FBLN5: variants seen among roughly 807,000 people sequenced by gnomAD.
FBLN5 encodes fibulin 5.
Under a neutral mutation model 61.6 loss-of-function variants are expected in FBLN5, and 24 were observed. The ratio of observed to expected loss-of-function variants is 0.39; its 90% CI spans 0.28 to 0.55. The LOEUF (loss-of-function observed/expected upper bound fraction) is 0.55, where lower values mean the gene tolerates loss of function less well. FBLN5 is among the 20% of genes least tolerant of loss of function. FBLN5 has a pLI of 0.65. For synonymous variants in FBLN5, 213 were observed against 219.8 expected (o/e 0.97, Z 0.27); for missense variants, 470 against 594.1 (o/e 0.79, Z 2.17).
chr14:91,890,893 C>T (rs17805119), intron 6 of FBLN5, among the ~76,000 whole-genome samples: 1 of 152,078 alleles, frequency 6.6e-6, no homozygotes, highest in African/African-American at 2.4e-5. Flanking sequence ...ACAGGACATG[C>T]AACCAAATTT....
intron 10 of FBLN5, among the ~76,000 whole-genome samples, chr14:91,870,653 C>G (rs955398604): frequency 3.3e-5 from 5 of 152,230 alleles, no homozygotes; most frequent in Non-Finnish European, 2.9e-5. Flanking sequence ...GACGCTGCAG[C>G]CTTTACTTTG....
At chr14:91,910,265 G>A (rs1890863087) in intron 4 of FBLN5, among the ~76,000 whole-genome samples, 1 of 152,120 alleles carries the variant, frequency 6.6e-6, no homozygotes, top group South Asian at 2.1e-4. Context: ...AGTGAAACAC[G>A]CCACTCACAA....
At chr14:91,881,155 G>C in intron 9 of FBLN5, 137 bp downstream of exon 9, 1 of 739,242 alleles carries the variant, frequency 1.4e-6, no homozygotes, top group Admixed American at 2.1e-5. Context: ...ACACACACAC[G>C]CATGAGCACA....
At chr14:91,908,595 C>G (rs540075438) in intron 4 of FBLN5, among the ~76,000 whole-genome samples, 3 of 152,252 alleles carry the variant, frequency 2.0e-5, no homozygotes, top group African/African-American at 7.2e-5. Flanking sequence ...ATTTGCTGAA[C>G]TAAAAAAATG....
intron 6 of FBLN5, among the ~76,000 whole-genome samples, chr14:91,889,938 C>T (rs540233400): frequency 1.2e-4 from 19 of 152,268 alleles, no homozygotes; most frequent in East Asian, 3.9e-4. Context: ...ACTGGGGGCA[C>T]GGTGCCAGCC....
At chr14:91,879,316 G>A (rs543663022) in intron 9 of FBLN5, among the ~76,000 whole-genome samples, 3 of 152,288 alleles carry the variant, frequency 2.0e-5, no homozygotes, top group Admixed American at 1.3e-4. Context: ...CCATATGGCC[G>A]GAAGTATGTG....
intron 1 of FBLN5, chr14:91,946,793 C>T (rs2056191887): frequency 2.0e-6 from 3 of 1,535,724 alleles, no homozygotes; most frequent in East Asian, 2.4e-5. Context: ...CAAATCCAGC[C>T]CCGCGGTGTT....
chr14:91,920,598 G>A (rs2055716509), intron 4 of FBLN5, among the ~76,000 whole-genome samples: 1 of 152,182 alleles, frequency 6.6e-6, no homozygotes, highest in African/African-American at 2.4e-5. Context: ...CTATCCTCCA[G>A]ATTTCTCAAC....
At chr14:91,893,518 G>T (rs532707814) in intron 5 of FBLN5, among the ~76,000 whole-genome samples, 1 of 152,156 alleles carries the variant, frequency 6.6e-6, no homozygotes. Context: ...CCATGATTTC[G>T]TTTGGATCTG....
rs1889519156 is a variant in FBLN5, at chr14:91,882,393, C to T, written c.862+561G>A. On this transcript the variant is annotated intron_variant, in intron 8 of 10. Coordinates refer to ENST00000342058, the MANE Select transcript of FBLN5 (RefSeq NM_006329.4). This position sits in a 1 kb window ranked among gnomAD's most constrained non-coding sequence, Gnocchi z 4.9. ...GTCAGTTGCTTCTGCAATGACCCCT[C>T]AGTGGGTGGAGCATGGGGCTGGAAC... Among the ~76,000 whole-genome samples the T allele has an allele frequency of 6.6e-6, 1 of 152,168 alleles. No individual in the cohort carries two copies. The highest frequency in any genetic ancestry group is 1.5e-5 in the Non-Finnish European group (1 of 68,036).
At chr14:91,879,355 G>A (rs1330559834) in intron 9 of FBLN5, among the ~76,000 whole-genome samples, 1 of 152,228 alleles carries the variant, frequency 6.6e-6, no homozygotes, top group Non-Finnish European at 1.5e-5. Context: ...GGCCATTCCT[G>A]GGCACGGGTA....
At chr14:91,914,284 T>C (rs1891085510) in intron 4 of FBLN5, among the ~76,000 whole-genome samples, 1 of 152,080 alleles carries the variant, frequency 6.6e-6, no homozygotes, top group South Asian at 2.1e-4. Context: ...GAGACCATCC[T>C]GGCTAACACA....
At chr14:91,940,030 C>T (rs1027614910) in intron 3 of FBLN5, 2 of 448,468 alleles carry the variant, frequency 4.5e-6, no homozygotes, top group Admixed American at 4.9e-5. Flanking sequence ...GGAGGAGCCA[C>T]CAGCCAAGGA....
chr14:91,945,865 G>T (rs767578289), intron 1 of FBLN5, among the ~76,000 whole-genome samples: 8 of 152,106 alleles, frequency 5.3e-5, no homozygotes, highest in Non-Finnish European at 1.2e-4. Context: ...TTTGATATTT[G>T]CCATGGCCAG....
At position 91,869,910 on chromosome 14, in the gene FBLN5, A is replaced by G. The variant is rs1023921121; in HGVS notation, c.*314T>C. ...TTGAACATAGACTCAGACCCCCGCA[A>G]ACCTAATCTATTTTCTTTGAAAATA... On this transcript the variant is annotated 3_prime_UTR_variant, in exon 11 of 11. Transcript: ENST00000342058. 1 of 379,016 alleles carries G rather than the reference A, an allele frequency of 2.6e-6. No individual in the cohort carries two copies. 23.5% of individuals were successfully genotyped at this position (379,016 alleles called of 1,614,324 possible). A position where few individuals can be genotyped will look rare whatever the true frequency, so the allele number is the denominator to read the frequency against.
At chr14:91,945,743 A>C (rs768802456) in intron 1 of FBLN5, among the ~76,000 whole-genome samples, 7 of 152,184 alleles carry the variant, frequency 4.6e-5, no homozygotes, top group Non-Finnish European at 8.8e-5. Flanking sequence ...AATCCAAAAA[A>C]TAAGGACGCT....
At chr14:91,901,796 G>C (rs533046833) in intron 4 of FBLN5, among the ~76,000 whole-genome samples, 1 of 152,322 alleles carries the variant, frequency 6.6e-6, no homozygotes, top group African/African-American at 2.4e-5. Flanking sequence ...TTGAGATTAA[G>C]CATGGAATAC....
At chr14:91,939,528 G>A (rs1336792621) in intron 3 of FBLN5, among the ~76,000 whole-genome samples, 1 of 152,028 alleles carries the variant, frequency 6.6e-6, no homozygotes, top group African/African-American at 2.4e-5. Flanking sequence ...TTTTAGTAGA[G>A]ACAGGGTTTC....
chr14:91,881,202 G>T, intron 9 of FBLN5, 90 bp downstream of exon 9: 1 of 1,481,222 alleles, frequency 6.8e-7, no homozygotes, highest in Non-Finnish European at 9.4e-7. Flanking sequence ...TCACTTCCTG[G>T]CTGGTGCACT....
Sources: gnomAD v4.1 joint callset for allele counts (sites outside exome capture counted in the v4.1 genomes callset) on GRCh38, gnomAD v4.1.1 for gene constraint, Gnocchi (gnomAD v3.1) non-coding constraint, MANE v1.5 for transcripts, NCBI Gene and HGNC (gene_info 2026-07-23, HGNC 2026-07-21) for gene names.